AGBL3: variants seen among roughly 807,000 people sequenced by gnomAD.
AGBL3 encodes the protein cytosolic carboxypeptidase 3.
AGBL3 carries 68 observed loss-of-function variants against 94.5 expected under a neutral mutation model. The ratio of observed to expected loss-of-function variants is 0.72; its 90% confidence interval spans 0.59 to 0.88. The LOEUF is 0.88. Ranked by LOEUF, AGBL3 falls within the 40% of genes least tolerant of loss-of-function variation. The probability of loss-of-function intolerance (pLI) is 0.00; values close to 1 mark genes in which losing one functional copy is unlikely to be tolerated. For synonymous variants in AGBL3, 354 were observed against 370.7 expected, an observed-to-expected ratio of 0.95 and a Z score of 0.52; for missense variants, 934 against 1,103.8, an observed-to-expected ratio of 0.85 and a Z score of 2.18.
chr7:134,988,075 A>T, intron 2 of AGBL3, 79 bp downstream of exon 2: 1 of 1,069,414 alleles, frequency 9.4e-7, no homozygotes, highest in African/African-American at 1.6e-5. Context: ...TTATAAAATC[A>T]ATTGGATATA....
intron 14 of AGBL3, among the ~76,000 whole-genome samples, chr7:135,081,225 ATATT>A (rs1225070764): frequency 6.6e-6 from 1 of 152,262 alleles, no homozygotes; most frequent in African/African-American, 2.4e-5. Context: ...ACATTTTAGA[ATATT>A]TATTTTAAAC....
chr7:135,034,718 G>T lies in AGBL3; in HGVS notation c.1127G>T (p.Gly376Val), dbSNP rs777551881. The change falls in exon 7 of 17, where the codon GGC becomes GTC. Residue 376 changes from glycine (G) to valine (V), a missense_variant. Transcript: ENST00000436302. ...GETNSSWIMK[G>V]FLDYILGNSS... ...ACCAACAGCTCTTGGATCATGAAAG[G>T]CTTCCTAGATTATATTTTAGGAAAC... is the stretch of plus-strand genomic sequence containing the variant. The T allele has an allele frequency of 3.2e-5, 50 of 1,550,734 alleles. No individual in the cohort carries two copies. The Admixed American group carries it at 8.7e-4, about 27-fold the overall frequency.
intron 9 of AGBL3, among the ~76,000 whole-genome samples, chr7:135,044,497 G>C (rs1817166677): frequency 6.6e-6 from 1 of 151,814 alleles, no homozygotes; most frequent in African/African-American, 2.4e-5. Flanking sequence ...GGACTTTTGG[G>C]GGTCAATATA....
chr7:134,986,696 G>A lies in AGBL3; in HGVS notation c.-65G>A, dbSNP rs1005499222. 6.6e-6 allele frequency: 1 copy of A among 152,426 alleles called. No individual in the cohort carries two copies. Among genetic ancestry groups the A allele is most frequent in the African/African-American group, 2.4e-5 (1 of 41,482 alleles). The allele number at this position is 152,426 out of a possible 1,614,324, so 9.4% of individuals were successfully genotyped here. On this transcript the variant is annotated 5_prime_UTR_variant, in exon 1 of 17. Coordinates refer to ENST00000436302, the MANE Select transcript of AGBL3 (RefSeq NM_178563.4). ...AGCGAGGTGCCGGCCCCGACAGGAC[G>A]GTGAGGTATGCAGAAGTAAGGCGGG...
intron 15 of AGBL3, 48 bp from the exon 16 acceptor site, chr7:135,115,332 G>A (rs1295084186): frequency 4.9e-6 from 6 of 1,232,532 alleles, no homozygotes; most frequent in Non-Finnish European, 6.8e-6. Flanking sequence ...ATAAGTAATT[G>A]TGAATAGAGT....
intron 9 of AGBL3, among the ~76,000 whole-genome samples, chr7:135,044,760 T>C (rs1201382124): frequency 1.3e-5 from 2 of 151,542 alleles, no homozygotes; most frequent in African/African-American, 2.4e-5. Flanking sequence ...ATGTGCACAA[T>C]GTGCAGGTTA....
intron 5 of AGBL3, among the ~76,000 whole-genome samples, chr7:135,018,062 TAATTAA>T (rs1814009819): frequency 1.3e-5 from 2 of 152,344 alleles, no homozygotes; most frequent in South Asian, 4.1e-4. Context: ...TAATAAAGTT[TAATTAA>T]ATTTAATTTA....
At chr7:135,022,602 C>T (rs927342951) in intron 5 of AGBL3, among the ~76,000 whole-genome samples, 14 of 151,890 alleles carry the variant, frequency 9.2e-5, no homozygotes, top group African/African-American at 3.4e-4. Context: ...TTCTCCCATT[C>T]TGTAGGTTGC....
At chr7:135,078,461 G>C (rs546727712) in intron 13 of AGBL3, among the ~76,000 whole-genome samples, 1 of 151,630 alleles carries the variant, frequency 6.6e-6, no homozygotes, top group Non-Finnish European at 1.5e-5. Flanking sequence ...CCTGTGTTAA[G>C]TCATTTGCAG....
chr7:135,066,111 CAAACTT>C (rs1239767469), intron 12 of AGBL3, among the ~76,000 whole-genome samples: 1 of 152,034 alleles, frequency 6.6e-6, no homozygotes, highest in Non-Finnish European at 1.5e-5. Context: ...ACAACAAAAA[CAAACTT>C]AAACAAGTGG....
chr7:135,101,146 G>C (rs915505445), intron 15 of AGBL3: 10 of 455,594 alleles, frequency 2.2e-5, no homozygotes, highest in Non-Finnish European at 4.4e-5. Context: ...TCAGTGAGAG[G>C]CCAATCTAGG....
Position 135,094,417 on chromosome 7 carries a change from C to A in AGBL3, c.2110+12627C>A, listed in dbSNP as rs1340398754. The A allele has an allele frequency of 6.6e-6, 3 of 456,672 alleles. No homozygotes were observed. In the East Asian group the frequency reaches 2.1e-4, roughly 32 times the overall value. The allele number at this position is 456,672 out of a possible 1,614,324, so 28.3% of individuals were successfully genotyped here. On this transcript the variant is annotated intron_variant, in intron 15 of 16. Transcript: ENST00000436302. ...TGCTAGAATCATAAACTGGTAGGAA[C>A]ACTTAAACAGTGATTTTAACAAATT... is the stretch of plus-strand genomic sequence containing the variant.
At chr7:135,118,550 C>T (rs543736530) in intron 16 of AGBL3, among the ~76,000 whole-genome samples, 23 of 152,162 alleles carry the variant, frequency 1.5e-4, no homozygotes, top group African/African-American at 5.3e-4. Context: ...TAACAAAAAG[C>T]CAAAACAGAG....
At chr7:135,065,032 G>T (rs953874965) in intron 12 of AGBL3, among the ~76,000 whole-genome samples, 1 of 152,108 alleles carries the variant, frequency 6.6e-6, no homozygotes. Flanking sequence ...GTGTTAAAAT[G>T]ACCATAGAAA....
At chr7:134,997,508 G>T (rs1474453241) in intron 4 of AGBL3, among the ~76,000 whole-genome samples, 11 of 152,164 alleles carry the variant, frequency 7.2e-5, no homozygotes, top group Admixed American at 7.2e-4. Context: ...GATGTCACTG[G>T]TTTCTATTGC....
At chr7:135,062,786 G>C (rs908564289) in intron 12 of AGBL3, among the ~76,000 whole-genome samples, 1 of 151,984 alleles carries the variant, frequency 6.6e-6, no homozygotes, top group Non-Finnish European at 1.5e-5. Context: ...GAAGATTTTT[G>C]CATCTATGCT....
intron 2 of AGBL3, chr7:134,988,365 C>T (rs117878855): frequency 6.3e-4 from 116 of 184,518 alleles, no homozygotes; most frequent in Non-Finnish European, 8.5e-4. Flanking sequence ...GTAGAACCAC[C>T]GTGTTCTAAC....
chr7:135,120,539 GAAAACAA>G (rs1438286708), intron 16 of AGBL3, among the ~76,000 whole-genome samples: 1 of 152,014 alleles, frequency 6.6e-6, no homozygotes, highest in African/African-American at 2.4e-5. Flanking sequence ...GCAGGAAAGA[GAAAACAA>G]AAAACAAAAG....
intron 15 of AGBL3, among the ~76,000 whole-genome samples, chr7:135,103,964 T>C (rs1178182478): frequency 1.3e-5 from 2 of 152,148 alleles, no homozygotes; most frequent in South Asian, 4.1e-4. Flanking sequence ...AGGTACCCCA[T>C]ATAGGTAAAC....
Sources: allele counts gnomAD v4.1 joint callset (sites outside exome capture counted in the v4.1 genomes callset), GRCh38; gene constraint gnomAD v4.1.1; transcripts MANE v1.5; gene names NCBI Gene and HGNC (gene_info 2026-07-23, HGNC 2026-07-21).